ARHGAP32: variants seen among roughly 807,000 people sequenced by gnomAD.
ARHGAP32 encodes the protein Rho GTPase activating protein 32, also known as rho GTPase-activating protein 32.
Under a neutral mutation model 186.5 loss-of-function variants are expected in ARHGAP32, and 51 were observed. The observed-to-expected ratio is 0.27, with a 90% CI of 0.22 to 0.35. The LOEUF (loss-of-function observed/expected upper bound fraction) is 0.35, where lower values mean the gene tolerates loss of function less well. Among genes scored for constraint, ARHGAP32 ranks in the 10% least tolerant of loss-of-function variants. The pLI, the probability that ARHGAP32 is intolerant of heterozygous loss-of-function variation, is 1.00. For missense variants in ARHGAP32, 2,186 were observed against 2,623.5 expected (o/e 0.83, Z 3.64); for synonymous variants, 950 against 964.3 (o/e 0.99, Z 0.27).
chr11:129,126,322 G>A (rs1374120444), intron 2 of ARHGAP32, among the ~76,000 whole-genome samples: 1 of 152,066 alleles, frequency 6.6e-6, no homozygotes, highest in Non-Finnish European at 1.5e-5. Context: ...AACTTGATAT[G>A]CAAAAACAGG....
At chr11:129,054,477 T>G (rs1195680576) in intron 10 of ARHGAP32, among the ~76,000 whole-genome samples, 1 of 152,190 alleles carries the variant, frequency 6.6e-6, no homozygotes, top group Non-Finnish European at 1.5e-5. Context: ...CCCATTTTTA[T>G]CACGTTTCTC....
At chr11:129,087,764 T>A (rs1179732184) in intron 6 of ARHGAP32, among the ~76,000 whole-genome samples, 1 of 152,192 alleles carries the variant, frequency 6.6e-6, no homozygotes, top group Non-Finnish European at 1.5e-5. Flanking sequence ...ACAATGTAAG[T>A]TCATCAATGA....
intron 10 of ARHGAP32, among the ~76,000 whole-genome samples, chr11:129,050,945 T>C (rs1940017039): frequency 6.6e-6 from 1 of 152,204 alleles, no homozygotes; most frequent in South Asian, 2.1e-4. Flanking sequence ...TCCAGCGTCA[T>C]CCATGTCCCT....
intron 11 of ARHGAP32, among the ~76,000 whole-genome samples, chr11:129,012,647 A>G (rs997757913): frequency 1.3e-5 from 2 of 152,226 alleles, no homozygotes; most frequent in Admixed American, 6.5e-5. Flanking sequence ...AAGAATGGTT[A>G]TAACTGATCA....
Position 129,105,920 on chromosome 11 carries a change from T to C in ARHGAP32, c.445-12213A>G, listed in dbSNP as rs182375408. ...AAATCAAGAAACTGATGTATGAACATATGAGAATATTAGCAAGAAGTTATA... is the reference window on the plus strand; with the variant it reads ...AAATCAAGAAACTGATGTATGAACACATGAGAATATTAGCAAGAAGTTATA... On this transcript the variant is annotated intron_variant, in intron 5 of 22. Coordinates refer to ENST00000682385, the MANE Select transcript of ARHGAP32 (RefSeq NM_001378024.1). Among the ~76,000 whole-genome samples the C allele has an allele frequency of 3.9e-3, 592 of 152,192 alleles. 8 individuals are homozygous for C. The South Asian group carries it at 0.045, about 11-fold the overall frequency.
At chr11:129,020,387 T>G (rs1431505660) in intron 11 of ARHGAP32, among the ~76,000 whole-genome samples, 1 of 152,114 alleles carries the variant, frequency 6.6e-6, no homozygotes, top group African/African-American at 2.4e-5. Context: ...TTATAACTGT[T>G]TCTTGGACTT....
intron 1 of ARHGAP32, among the ~76,000 whole-genome samples, chr11:129,202,564 A>G (rs1256469338): frequency 6.6e-6 from 1 of 152,220 alleles, no homozygotes; most frequent in African/African-American, 2.4e-5. Flanking sequence ...TATAAATAAG[A>G]AAACTTAAAC....
At chr11:129,263,672 G>A (rs1945355054) in intron 1 of ARHGAP32, among the ~76,000 whole-genome samples, 2 of 137,366 alleles carry the variant, frequency 1.5e-5, no homozygotes, top group African/African-American at 5.5e-5. Context: ...GGAAGGAGGA[G>A]GAGGAAGAAA....
chr11:129,002,404 G>A (rs1017335501), intron 11 of ARHGAP32, among the ~76,000 whole-genome samples: 8 of 151,948 alleles, frequency 5.3e-5, no homozygotes, highest in African/African-American at 1.9e-4. Context: ...TTCACTGTTG[G>A]GATACAGAAA....
intron 5 of ARHGAP32, among the ~76,000 whole-genome samples, chr11:129,099,639 G>T (rs1941833287): frequency 6.6e-6 from 1 of 152,038 alleles, no homozygotes; most frequent in African/African-American, 2.4e-5. Context: ...GAGAGTGGAG[G>T]TGACTATACT....
chr11:129,078,517 G>A (rs1288879127), intron 6 of ARHGAP32, among the ~76,000 whole-genome samples: 1 of 152,262 alleles, frequency 6.6e-6, no homozygotes, highest in East Asian at 1.9e-4. Flanking sequence ...TTTTGAGACA[G>A]AGTCTCACTC....
rs1180370831 is a variant in ARHGAP32 at position 128,972,915 on chromosome 11, A to G, written c.3591T>C (p.Pro1197=). The change falls in exon 22 of 23, where the codon CCT becomes CCC. Residue 1197 remains proline, a synonymous_variant. Transcript: ENST00000682385. The part of the protein sequence containing the change: ...SEKSDDHVSF[P]EDQSGKNSMP... The stretch of plus-strand genomic sequence containing the variant: ...TACTGTTCTTCCCAGACTGGTCTTC[A>G]GGGAAACTTACATGATCATCAGACT... The G allele has an allele frequency of 1.9e-6, 3 of 1,614,044 alleles. No individual in the cohort carries two copies. Among genetic ancestry groups the G allele is most frequent in the Non-Finnish European group, 2.5e-6 (3 of 1,180,030 alleles).
At chr11:129,110,646 T>C (rs938421173) in intron 5 of ARHGAP32, among the ~76,000 whole-genome samples, 11 of 152,190 alleles carry the variant, frequency 7.2e-5, no homozygotes, top group African/African-American at 2.7e-4. Context: ...CTCATAGAAA[T>C]CTTTCACCTT....
intron 10 of ARHGAP32, among the ~76,000 whole-genome samples, chr11:129,054,317 A>G (rs1191190363): frequency 6.6e-6 from 1 of 152,138 alleles, no homozygotes; most frequent in African/African-American, 2.4e-5. Context: ...CAATTTCTAA[A>G]CTGTGTCTGA....
At chr11:129,204,732 A>C (rs1300873896) in intron 1 of ARHGAP32, among the ~76,000 whole-genome samples, 2 of 152,228 alleles carry the variant, frequency 1.3e-5, no homozygotes, top group African/African-American at 4.8e-5. Flanking sequence ...AGTACTAGAG[A>C]CCATTCAACT....
chr11:129,276,275 C>A (rs906559776), intron 1 of ARHGAP32, among the ~76,000 whole-genome samples: 1 of 151,414 alleles, frequency 6.6e-6, no homozygotes, highest in Non-Finnish European at 1.5e-5. Flanking sequence ...AAATCTAACA[C>A]GTTCTCATTC....
At chr11:129,239,536 T>A (rs568993190) in intron 1 of ARHGAP32, among the ~76,000 whole-genome samples, 2 of 152,284 alleles carry the variant, frequency 1.3e-5, no homozygotes, top group African/African-American at 4.8e-5. Flanking sequence ...TCACCTAGAA[T>A]AACCCTCCTA....
At chr11:129,019,488 A>G (rs1938501780) in intron 11 of ARHGAP32, among the ~76,000 whole-genome samples, 1 of 152,154 alleles carries the variant, frequency 6.6e-6, no homozygotes, top group Non-Finnish European at 1.5e-5. Flanking sequence ...TCAAAAGAAC[A>G]GGTATGTTAA....
intron 10 of ARHGAP32, among the ~76,000 whole-genome samples, chr11:129,061,046 G>T (rs910444620): frequency 1.3e-4 from 19 of 151,800 alleles, no homozygotes; most frequent in Admixed American, 9.8e-4. Context: ...GTTTTAAATT[G>T]TATTATTATG....
Sources: gnomAD v4.1 joint callset for allele counts (sites outside exome capture counted in the v4.1 genomes callset) on GRCh38, gnomAD v4.1.1 for gene constraint, MANE v1.5 for transcripts, NCBI Gene and HGNC (gene_info 2026-07-23, HGNC 2026-07-21) for gene names.